The following DCDC1 variants were observed in gnomAD, a reference collection of about 807,000 sequenced individuals.
The protein encoded by DCDC1 is doublecortin domain containing 1.
A neutral mutation model predicts 178.3 loss-of-function variants in DCDC1; 200 were observed. The ratio of observed to expected loss-of-function variants is 1.12; its 90% CI spans 1.00 to 1.26. DCDC1 has a LOEUF of 1.26. Ranked by LOEUF, DCDC1 falls within the 50% of genes most tolerant of loss-of-function variation. DCDC1 has a pLI of 0.00. For synonymous variants in DCDC1, 690 were observed against 604.8 expected (o/e 1.14, Z -2.07); for missense variants, 1,983 against 1,749.2 (o/e 1.13, Z -2.38).
rs1477386120 is a variant in DCDC1 at position 30,894,273 on chromosome 11, A to T, written c.4877T>A (p.Leu1626His). 1 of 1,613,900 alleles carries T rather than the reference A, an allele frequency of 6.2e-7. No homozygotes were observed. The highest frequency in any genetic ancestry group is 1.3e-5 in the African/African-American group (1 of 75,058). The change falls in exon 35 of 39, where the codon CTC becomes CAC. Residue 1626 changes from leucine to histidine, a missense_variant. By Grantham distance (99) the Leu-to-His change is moderately conservative. Coordinates refer to ENST00000684477, the MANE Select transcript of DCDC1 (RefSeq NM_001387274.1). The part of the protein sequence containing the change: ...WTEQTQQEIK[L>H]MELIRHTEAH... ...CTCTGTATGTCTTATAAGTTCCATG[A>T]GTTTAATTTCCTGTTGAGTCTGTTC...
chr11:31,131,482 A>G (rs1962434058), intron 10 of DCDC1, among the ~76,000 whole-genome samples: 1 of 152,176 alleles, frequency 6.6e-6, no homozygotes, highest in Non-Finnish European at 1.5e-5. Context: ...GTATTAGTCT[A>G]TGCTTTCAGC....
intron 9 of DCDC1, among the ~76,000 whole-genome samples, chr11:31,152,495 A>C (rs1965271724): frequency 6.6e-6 from 1 of 152,210 alleles, no homozygotes. Context: ...CAGAGATAAC[A>C]AGTAAATTCT....
intron 7 of DCDC1, among the ~76,000 whole-genome samples, chr11:31,274,546 T>A (rs1014928471): frequency 6.6e-6 from 1 of 151,576 alleles, no homozygotes; most frequent in Admixed American, 6.6e-5. Flanking sequence ...ACATAGCATA[T>A]GAAAAGGCTC....
rs779601615 is a variant in DCDC1 at position 30,881,209 on chromosome 11, G to A, written c.5182C>T (p.Arg1728Ter). ...ATAGACACACAGATGACCATATCTC[G>A]CTCTATGTCGTCCCAGGACTGAATT... ...EPIQSWDDIERDMVICVSMGH... is the reference protein window; with the variant it reads ...EPIQSWDDIE The change falls in exon 37 of 39, where the codon CGA becomes TGA. Residue 1728 changes from arginine to a stop codon, truncating the protein, a stop_gained. Coordinates refer to ENST00000684477, the MANE Select transcript of DCDC1 (RefSeq NM_001387274.1). LOFTEE classifies it high-confidence loss of function. The A allele has an allele frequency of 6.2e-6, 10 of 1,613,388 alleles. No individual in the cohort carries two copies. The highest frequency in any genetic ancestry group is 2.7e-5 in the African/African-American group (2 of 74,884).
chr11:31,002,390 C>T (rs1045130704), intron 20 of DCDC1, among the ~76,000 whole-genome samples: 1 of 152,070 alleles, frequency 6.6e-6, no homozygotes, highest in African/African-American at 2.4e-5. Flanking sequence ...ATCACAGGGA[C>T]AATAAATCAA....
chr11:31,190,096 G>A (rs1288183444), intron 9 of DCDC1, among the ~76,000 whole-genome samples: 3 of 152,142 alleles, frequency 2.0e-5, no homozygotes, highest in Admixed American at 6.6e-5. Flanking sequence ...CTGAATCAGT[G>A]TAAAGAACAT....
At chr11:31,231,165 G>A (rs1353922524) in intron 9 of DCDC1, among the ~76,000 whole-genome samples, 2 of 151,934 alleles carry the variant, frequency 1.3e-5, no homozygotes, top group Non-Finnish European at 2.9e-5. Context: ...GTCTCCCTAT[G>A]TTGCCCAGGA....
intron 9 of DCDC1, among the ~76,000 whole-genome samples, chr11:31,211,849 G>A (rs562899000): frequency 1.1e-3 from 167 of 152,166 alleles, no homozygotes; most frequent in African/African-American, 3.5e-3. Flanking sequence ...TTGGAAGGCC[G>A]AGGCAGGTGG....
chr11:30,955,776 A>G (rs1948740237), intron 20 of DCDC1, among the ~76,000 whole-genome samples: 1 of 152,178 alleles, frequency 6.6e-6, no homozygotes, highest in Admixed American at 6.6e-5. Context: ...GTCCAGCGTC[A>G]TAGCCACTGT....
intron 7 of DCDC1, among the ~76,000 whole-genome samples, chr11:31,266,613 G>T (rs7121949): frequency 0.3 from 45,116 of 152,048 alleles, 8,140 homozygotes; most frequent in East Asian, 0.63. Flanking sequence ...ACTACTGAAG[G>T]ACAATGTGAA....
At chr11:31,343,133 C>A (rs76631622) in intron 1 of DCDC1, among the ~76,000 whole-genome samples, 1 of 151,888 alleles carries the variant, frequency 6.6e-6, no homozygotes, top group African/African-American at 2.4e-5. Flanking sequence ...TTAGCCAGGC[C>A]GAGTGGTGCA....
rs1952773087 is a variant in DCDC1, at chr11:31,020,177, A to C, written c.2591+44292T>G. Among the ~76,000 whole-genome samples the C allele has an allele frequency of 2.6e-5, 4 of 152,218 alleles. No homozygotes were observed. The South Asian group carries it at 8.3e-4, about 31-fold the overall frequency. On this transcript the variant is annotated intron_variant, in intron 20 of 38. Coordinates refer to ENST00000684477, the MANE Select transcript of DCDC1 (RefSeq NM_001387274.1). ...TGGATAAGTATTGTCAGTTGAATAA[A>C]TAAAAGATCAAAATATGAGAAATTA...
intron 3 of DCDC1, among the ~76,000 whole-genome samples, chr11:31,313,767 ACC>A (rs1457955453): frequency 1.3e-5 from 2 of 152,128 alleles, no homozygotes; most frequent in African/African-American, 2.4e-5. Context: ...GAATTCCTAA[ACC>A]AGTTGTTCTA....
intron 20 of DCDC1, among the ~76,000 whole-genome samples, chr11:31,057,004 G>A (rs1456896045): frequency 6.6e-6 from 1 of 152,026 alleles, no homozygotes; most frequent in African/African-American, 2.4e-5. Flanking sequence ...GGCTGAGGCA[G>A]GTGGATGACT....
chr11:30,970,495 G>A (rs1949715744), intron 20 of DCDC1, among the ~76,000 whole-genome samples: 1 of 152,172 alleles, frequency 6.6e-6, no homozygotes, highest in Admixed American at 6.5e-5. Context: ...GCAAAACTAT[G>A]TACATTTTCA....
chr11:31,186,853 A>G (rs1452068036), intron 9 of DCDC1, among the ~76,000 whole-genome samples: 3 of 152,138 alleles, frequency 2.0e-5, no homozygotes. Context: ...GCATCCAATT[A>G]TATCTGTTGC....
intron 16 of DCDC1, among the ~76,000 whole-genome samples, chr11:31,092,403 G>A (rs1957871274): frequency 6.6e-6 from 1 of 152,094 alleles, no homozygotes. Flanking sequence ...CTTAGGGTGA[G>A]GAAAGGCAGC....
chr11:30,896,019 G>A (rs1944181695), intron 34 of DCDC1, among the ~76,000 whole-genome samples: 1 of 152,156 alleles, frequency 6.6e-6, no homozygotes, highest in South Asian at 2.1e-4. Context: ...AAAACATTAT[G>A]CATTTTTTGT....
intron 17 of DCDC1, among the ~76,000 whole-genome samples, chr11:31,085,297 A>G (rs1324074257): frequency 6.6e-6 from 1 of 152,046 alleles, no homozygotes; most frequent in East Asian, 1.9e-4. Flanking sequence ...CAAGCAACAC[A>G]ACAATCAGGA....
Sources: gnomAD v4.1 joint callset for allele counts (sites outside exome capture counted in the v4.1 genomes callset) on GRCh38, gnomAD v4.1.1 for gene constraint, MANE v1.5 for transcripts, NCBI Gene and HGNC (gene_info 2026-07-23, HGNC 2026-07-21) for gene names.